Variants in B3GNT2 observed in about 807,000 individuals in gnomAD.
B3GNT2 encodes UDP-GlcNAc:betaGal beta-1,3-N-acetylglucosaminyltransferase 2, also known as N-acetyllactosaminide beta-1,3-N-acetylglucosaminyltransferase 2.
A neutral mutation model predicts 27.6 loss-of-function variants in B3GNT2; 12 were observed. The observed-to-expected ratio is 0.44, with a 90% CI of 0.28 to 0.71. The LOEUF (loss-of-function observed/expected upper bound fraction) is 0.71, where lower values mean the gene tolerates loss of function less well. Ranked by LOEUF, B3GNT2 falls within the 30% of genes least tolerant of loss-of-function variation. The pLI is 0.17. For synonymous variants in B3GNT2, 192 were observed against 189.7 expected, an observed-to-expected ratio of 1.01 and a Z score of -0.10; for missense variants, 413 against 488.5, an observed-to-expected ratio of 0.85 and a Z score of 1.46.
chr2:62,214,922 A>T (rs1396168178), intron 1 of B3GNT2, among the ~76,000 whole-genome samples: 3 of 152,162 alleles, frequency 2.0e-5, no homozygotes, highest in Non-Finnish European at 4.4e-5. Context: ...CTAGACCTAA[A>T]ACCCTCTTTA....
chr2:62,207,411 G>A (rs924203931), intron 1 of B3GNT2, among the ~76,000 whole-genome samples: 1 of 152,080 alleles, frequency 6.6e-6, no homozygotes, highest in Non-Finnish European at 1.5e-5. Context: ...GGTTCTTGAG[G>A]GACAAGAATT....
chr2:62,205,851 G>A (rs994574477), intron 1 of B3GNT2: 1 of 154,180 alleles, frequency 6.5e-6, no homozygotes, highest in African/African-American at 2.4e-5. Context: ...TGGCTCACCT[G>A]GAACCATTTC....
At chr2:62,201,219 C>T (rs1352821842) in intron 1 of B3GNT2, among the ~76,000 whole-genome samples, 6 of 152,136 alleles carry the variant, frequency 3.9e-5, no homozygotes, top group African/African-American at 1.4e-4. Context: ...GTTGATATAG[C>T]TTTAGCTTTA....
At chr2:62,215,365 C>T (rs1488878388) in intron 1 of B3GNT2, among the ~76,000 whole-genome samples, 1 of 152,160 alleles carries the variant, frequency 6.6e-6, no homozygotes, top group Non-Finnish European at 1.5e-5. Context: ...CTGAGGCTCC[C>T]TTGCCCCGGT....
chr2:62,222,189 A>C lies in B3GNT2; in HGVS notation c.-9-23A>C. The C allele has an allele frequency of 6.5e-7, 1 of 1,543,488 alleles. No individual in the cohort carries two copies. The highest frequency in any genetic ancestry group is 8.7e-7 in the Non-Finnish European group (1 of 1,145,662). ...ATGCAAATTGATAAGTAATTGATAC[A>C]ATACTCCACCCCTTTATTCCAGATA... On this transcript the variant is annotated intron_variant, in intron 1 of 1. Coordinates refer to ENST00000301998, the MANE Select transcript of B3GNT2 (RefSeq NM_006577.6). The surrounding 1 kb of genome is among the most constrained non-coding windows in gnomAD (Gnocchi z 4.2).
At chr2:62,204,826 A>T (rs1674340857) in intron 1 of B3GNT2, among the ~76,000 whole-genome samples, 1 of 152,210 alleles carries the variant, frequency 6.6e-6, no homozygotes, top group Admixed American at 6.5e-5. Flanking sequence ...TTTATAATGG[A>T]AATTTTCAAA....
chr2:62,220,947 A>T (rs891499126), intron 1 of B3GNT2, among the ~76,000 whole-genome samples: 1 of 152,172 alleles, frequency 6.6e-6, no homozygotes, highest in Non-Finnish European at 1.5e-5. Context: ...TTGATATTTC[A>T]CTAAAATATC....
chr2:62,203,397 A>C (rs1674308096), intron 1 of B3GNT2, among the ~76,000 whole-genome samples: 1 of 152,144 alleles, frequency 6.6e-6, no homozygotes, highest in Non-Finnish European at 1.5e-5. Flanking sequence ...CTAGGGGACA[A>C]GAATAGGGGG....
intron 1 of B3GNT2, among the ~76,000 whole-genome samples, chr2:62,215,979 G>C (rs1674565853): frequency 6.6e-6 from 1 of 152,192 alleles, no homozygotes; most frequent in Admixed American, 6.5e-5. Context: ...CACAGGTCTT[G>C]GGTCTGGCTT....
intron 1 of B3GNT2, among the ~76,000 whole-genome samples, chr2:62,197,206 G>GGGGC (rs1320844760): frequency 1.3e-5 from 2 of 152,174 alleles, no homozygotes; most frequent in East Asian, 3.9e-4. Flanking sequence ...TGCCGGGGCT[G>GGGGC]CGGGCGCGGG....
At chr2:62,208,826 T>C (rs1674428257) in intron 1 of B3GNT2, among the ~76,000 whole-genome samples, 1 of 152,158 alleles carries the variant, frequency 6.6e-6, no homozygotes, top group Non-Finnish European at 1.5e-5. Flanking sequence ...GAAGTGAATA[T>C]GGCCCATTCT....
chr2:62,204,145 G>C (rs1373582692), intron 1 of B3GNT2, among the ~76,000 whole-genome samples: 1 of 152,154 alleles, frequency 6.6e-6, no homozygotes, highest in Non-Finnish European at 1.5e-5. Flanking sequence ...TCCTGCCTCA[G>C]TCTCCTGAGT....
chr2:62,213,029 C>T (rs1302112614), intron 1 of B3GNT2, among the ~76,000 whole-genome samples: 3 of 152,190 alleles, frequency 2.0e-5, no homozygotes, highest in Non-Finnish European at 4.4e-5. Context: ...CACGTACAAG[C>T]TCTTAACCAA....
chr2:62,213,413 A>G (rs972149739), intron 1 of B3GNT2, among the ~76,000 whole-genome samples: 1 of 152,134 alleles, frequency 6.6e-6, no homozygotes, highest in Non-Finnish European at 1.5e-5. Flanking sequence ...GTAGGTTACA[A>G]TTGCTGGAGG....
Position 62,222,655 on chromosome 2 carries a change from G to A in B3GNT2, c.435G>A (p.Leu145=). 1 of 1,614,182 alleles carries A rather than the reference G, an allele frequency of 6.2e-7. No individual in the cohort carries two copies. Among genetic ancestry groups the A allele is most frequent in the Non-Finnish European group, 8.5e-7 (1 of 1,180,038 alleles). ...PDKCAKKPFL[L]LAIKSLTPHF... ...AGTGTGCAAAGAAACCTTTCTTGTT[G>A]CTGGCGATTAAGTCCCTCACTCCAC... Residue 145 remains leucine (L), a synonymous_variant, in exon 2 of 2, where the codon TTG becomes TTA. Transcript: ENST00000301998. The surrounding 1 kb of genome is among the most constrained non-coding windows in gnomAD (Gnocchi z 4.2).
Position 62,224,695 on chromosome 2 carries a change from A to T in B3GNT2, c.*1281A>T, listed in dbSNP as rs1674791462. On this transcript the variant is annotated 3_prime_UTR_variant, in exon 2 of 2. Transcript: ENST00000301998. ...GTTCTTATCAGATGGGATACTGGGG[A>T]CTATAAACAATGGAAATAAAGCCAC... 1 of 167,094 alleles carries T rather than the reference A, an allele frequency of 6.0e-6. No homozygotes were observed. Among genetic ancestry groups the T allele is most frequent in the South Asian group, 2.1e-4 (1 of 4,830 alleles). 10.4% of individuals were successfully genotyped at this position (167,094 alleles called of 1,614,324 possible). A position where few individuals can be genotyped will look rare whatever the true frequency, so the allele number is the denominator to read the frequency against.
intron 1 of B3GNT2, among the ~76,000 whole-genome samples, chr2:62,218,243 CTAAG>C (rs1156557209): frequency 6.6e-6 from 1 of 152,170 alleles, no homozygotes; most frequent in East Asian, 1.9e-4. Context: ...TGGCTTTGTT[CTAAG>C]AGCCTACTAG....
chr2:62,218,834 G>A (rs1674625210), intron 1 of B3GNT2, among the ~76,000 whole-genome samples: 1 of 152,254 alleles, frequency 6.6e-6, no homozygotes, highest in Non-Finnish European at 1.5e-5. Context: ...AAAGTTGAGG[G>A]TGGTGTTCCC....
intron 1 of B3GNT2, among the ~76,000 whole-genome samples, chr2:62,217,922 T>C (rs1674606184): frequency 6.6e-6 from 1 of 152,254 alleles, no homozygotes; most frequent in Non-Finnish European, 1.5e-5. Flanking sequence ...CAACTGAAGT[T>C]TCAAAACTGT....
Sources: allele counts gnomAD v4.1 joint callset (sites outside exome capture counted in the v4.1 genomes callset), GRCh38; gene constraint gnomAD v4.1.1; non-coding constraint Gnocchi (gnomAD v3.1); transcripts MANE v1.5; gene names NCBI Gene and HGNC (gene_info 2026-07-23, HGNC 2026-07-21).